The following DCC variants were observed in gnomAD, a reference collection of about 807,000 sequenced individuals.
DCC encodes the protein DCC netrin 1 receptor.
Under a neutral mutation model 172.5 loss-of-function variants are expected in DCC, and 58 were observed. That is an observed-to-expected ratio of 0.34 (90% CI 0.27 to 0.42). The LOEUF is 0.42. DCC is among the 10% of genes least tolerant of loss of function. The pLI is 1.00. For missense variants in DCC, 1,740 were observed against 1,791.0 expected (o/e 0.97, Z 0.51); for synonymous variants, 709 against 644.5 (o/e 1.10, Z -1.52).
At chr18:52,492,369 C>T (rs528999081) in intron 1 of DCC, among the ~76,000 whole-genome samples, 5 of 151,754 alleles carry the variant, frequency 3.3e-5, no homozygotes, top group African/African-American at 4.8e-5. Context: ...GAGTGGTCAA[C>T]GAAGGTGTGG....
At chr18:53,282,455 G>T (rs564068108) in intron 12 of DCC, among the ~76,000 whole-genome samples, 1 of 152,214 alleles carries the variant, frequency 6.6e-6, no homozygotes, top group Non-Finnish European at 1.5e-5. Context: ...CTGAAGTCAA[G>T]ATTTAGAAAA....
chr18:52,787,846 T>G (rs1369373260), intron 2 of DCC, among the ~76,000 whole-genome samples: 2 of 152,178 alleles, frequency 1.3e-5, no homozygotes, highest in Non-Finnish European at 2.9e-5. Context: ...TAGCCTTTAC[T>G]ATTGCATGAA....
intron 1 of DCC, among the ~76,000 whole-genome samples, chr18:52,471,236 G>T (rs1182233051): frequency 7.9e-5 from 12 of 152,170 alleles, no homozygotes; most frequent in Non-Finnish European, 1.8e-4. Context: ...TGTAGTCTCA[G>T]TTGCTCAGGA....
intron 1 of DCC, among the ~76,000 whole-genome samples, chr18:52,525,724 T>A (rs1483336467): frequency 1.3e-5 from 2 of 152,046 alleles, no homozygotes; most frequent in Non-Finnish European, 2.9e-5. Context: ...AACAGAAAAA[T>A]GTGATAGTTA....
chr18:52,687,486 T>C (rs958273195), intron 1 of DCC, among the ~76,000 whole-genome samples: 3 of 152,042 alleles, frequency 2.0e-5, no homozygotes, highest in Admixed American at 6.6e-5. Context: ...GGTTTCACCA[T>C]GTTGGCCAGG....
chr18:52,610,765 AT>A (rs2034262605), intron 1 of DCC, among the ~76,000 whole-genome samples: 1 of 152,112 alleles, frequency 6.6e-6, no homozygotes, highest in African/African-American at 2.4e-5. Flanking sequence ...ATAAAATCTT[AT>A]TTATGGGCCC....
chr18:53,451,845 A>T (rs2045418912), intron 23 of DCC, among the ~76,000 whole-genome samples: 2 of 152,300 alleles, frequency 1.3e-5, no homozygotes, highest in South Asian at 4.1e-4. Flanking sequence ...GAACAGGGGA[A>T]GATATACATA....
intron 5 of DCC, among the ~76,000 whole-genome samples, chr18:52,988,365 T>G (rs568508743): frequency 4.6e-5 from 7 of 152,248 alleles, no homozygotes; most frequent in African/African-American, 1.7e-4. Flanking sequence ...TACTGAAACA[T>G]CCAAATGATT....
At chr18:52,786,722 C>T (rs754907445) in intron 2 of DCC, among the ~76,000 whole-genome samples, 1 of 151,954 alleles carries the variant, frequency 6.6e-6, no homozygotes, top group African/African-American at 2.4e-5. Context: ...ACTTGGAGTT[C>T]GTGGACCTGT....
Position 52,452,587 on chromosome 18 carries a change from A to G in DCC, c.91+111709A>G, listed in dbSNP as rs997152957. ...GGAGCAGAGCATCACTGTTCCAACA[A>G]TGGGTGAACGTGAGCTGCCGTTGTT... is the stretch of plus-strand genomic sequence containing the variant. On this transcript the variant is annotated intron_variant, in intron 1 of 28. Transcript: ENST00000442544. Among the ~76,000 whole-genome samples, 8 of 152,324 alleles carry G rather than the reference A, an allele frequency of 5.3e-5. No individual in the cohort carries two copies. The South Asian group carries it at 1.7e-3, about 32-fold the overall frequency.
At chr18:53,338,746 A>G (rs1447124440) in intron 14 of DCC, among the ~76,000 whole-genome samples, 2 of 152,228 alleles carry the variant, frequency 1.3e-5, no homozygotes, top group Non-Finnish European at 2.9e-5. Context: ...CAATCCCTTT[A>G]AAAGAAAATA....
chr18:53,396,400 A>T (rs1908947737), intron 17 of DCC, among the ~76,000 whole-genome samples: 1 of 152,132 alleles, frequency 6.6e-6, no homozygotes, highest in Admixed American at 6.5e-5. Context: ...GTAAGCAATA[A>T]AGAACTATAA....
At chr18:52,465,398 C>T (rs961635797) in intron 1 of DCC, among the ~76,000 whole-genome samples, 5 of 152,106 alleles carry the variant, frequency 3.3e-5, no homozygotes, top group African/African-American at 7.2e-5. Flanking sequence ...TAAATTTCCC[C>T]TTCAGGCATC....
At chr18:52,477,935 G>A (rs1207810845) in intron 1 of DCC, among the ~76,000 whole-genome samples, 1 of 151,890 alleles carries the variant, frequency 6.6e-6, no homozygotes, top group South Asian at 2.1e-4. Context: ...TCAGCCTCCT[G>A]TGTAGCTGGG....
Position 52,744,715 on chromosome 18 carries a change from T to G in DCC, c.92-7339T>G, listed in dbSNP as rs1014701722. On this transcript the variant is annotated intron_variant, in intron 1 of 28. Coordinates refer to ENST00000442544, the MANE Select transcript of DCC (RefSeq NM_005215.4). ...GTCTAGCGGAAATTAAAGTCTTCCA[T>G]TAATGGGAAATACACAAAGCACACC... Among the ~76,000 whole-genome samples the G allele has an allele frequency of 8.5e-5, 13 of 152,298 alleles. 1 individual carries two copies. The South Asian group carries it at 2.7e-3, about 32-fold the overall frequency.
At chr18:53,175,393 G>C (rs1017752906) in intron 8 of DCC, among the ~76,000 whole-genome samples, 14 of 152,216 alleles carry the variant, frequency 9.2e-5, no homozygotes, top group African/African-American at 3.1e-4. Context: ...AATTGTCCCT[G>C]TTTGCAGACG....
intron 18 of DCC, among the ~76,000 whole-genome samples, chr18:53,402,265 C>T (rs1331024467): frequency 6.6e-6 from 1 of 151,988 alleles, no homozygotes; most frequent in African/African-American, 2.4e-5. Context: ...TGGTGTGCAA[C>T]AGTGGATCCG....
intron 26 of DCC, among the ~76,000 whole-genome samples, chr18:53,495,828 T>A (rs2144417485): frequency 6.6e-6 from 1 of 152,300 alleles, no homozygotes; most frequent in Admixed American, 6.5e-5. Flanking sequence ...TTCACTCTTT[T>A]TGCTCTAATC....
rs560470856 is a variant in DCC, at chr18:52,794,331, C to A, written c.412+41957C>A. 3.3e-4 allele frequency among the ~76,000 whole-genome samples: 50 copies of A among 151,352 alleles called. 1 individual carries two copies. The highest frequency in any genetic ancestry group is 3.4e-3 in the Middle Eastern group (1 of 292). On this transcript the variant is annotated intron_variant, in intron 2 of 28. Transcript: ENST00000442544. ...TTACGTTTGCTTGTGTCTTCAATTT[C>A]TTTCATCATTTTTTTTGTAGTTGTA...
Sources: allele counts gnomAD v4.1 joint callset (sites outside exome capture counted in the v4.1 genomes callset), GRCh38; gene constraint gnomAD v4.1.1; transcripts MANE v1.5; gene names NCBI Gene and HGNC (gene_info 2026-07-23, HGNC 2026-07-21).